The following PLG variants were observed in gnomAD, a reference collection of about 807,000 sequenced individuals.
PLG encodes plasminogen.
Under a neutral mutation model 104.4 loss-of-function variants are expected in PLG, and 41 were observed. That is an observed-to-expected ratio of 0.39 (90% CI 0.31 to 0.51). PLG has a LOEUF of 0.51. PLG is among the 20% of genes least tolerant of loss of function. The pLI is 0.76. For synonymous variants in PLG, 337 were observed against 357.1 expected (o/e 0.94, Z 0.63); for missense variants, 891 against 1,003.6 (o/e 0.89, Z 1.52).
rs1778167667 is a variant in PLG at position 160,740,272 on chromosome 6, G to C, written c.2019-1039G>C. 6.6e-6 allele frequency among the ~76,000 whole-genome samples: 1 copy of C among 152,172 alleles called. No individual in the cohort carries two copies. The highest frequency in any genetic ancestry group is 2.4e-5 in the African/African-American group (1 of 41,448). On this transcript the variant is annotated intron_variant, in intron 16 of 18. Transcript: ENST00000308192. This position sits in a 1 kb window ranked among gnomAD's most constrained non-coding sequence, Gnocchi z 5.2. ...CTTTCCAGCTCAGCCTTTATAAACA[G>C]TAGCTGATCTCCCTCCTGCTCCCCA...
At position 160,739,944 on chromosome 6, in the gene PLG, A is replaced by G. The variant is rs1321577215; in HGVS notation, c.2018+736A>G. Among the ~76,000 whole-genome samples, 1 of 152,180 alleles carries G rather than the reference A, an allele frequency of 6.6e-6. No individual in the cohort carries two copies. Among genetic ancestry groups the G allele is most frequent in the Admixed American group, 6.5e-5 (1 of 15,280 alleles). On this transcript the variant is annotated intron_variant, in intron 16 of 18. Transcript: ENST00000308192. This position sits in a 1 kb window ranked among gnomAD's most constrained non-coding sequence, Gnocchi z 4.4. ...GCCTGACAAAGTGAAACATTTGCTT[A>G]TGTCACTCATTTAGTGCTGTTTGGA...
intron 4 of PLG, chr6:160,711,712 A>G: frequency 6.2e-7 from 1 of 1,608,424 alleles, no homozygotes; most frequent in Non-Finnish European, 8.5e-7. Flanking sequence ...GCCTAGTTTA[A>G]AAAAAATCAA....
In PLG at chr6:160,731,361, G is replaced by T; in HGVS notation, c.1438+129G>T. 1.2e-6 allele frequency: 1 copy of T among 866,458 alleles called. No individual in the cohort carries two copies. The highest frequency in any genetic ancestry group is 1.9e-6 in the Non-Finnish European group (1 of 531,108). 53.7% of individuals were successfully genotyped at this position (866,458 alleles called of 1,614,324 possible). ...GTGTTTTTAGAGGGTCTGCCATGTGGAAGGAAGCCTCAGTGCACTCTCTCA... is the reference window on the plus strand; with the variant it reads ...GTGTTTTTAGAGGGTCTGCCATGTGTAAGGAAGCCTCAGTGCACTCTCTCA... On this transcript the variant is annotated intron_variant, in intron 11 of 18. Transcript: ENST00000308192. This position sits in a 1 kb window ranked among gnomAD's most constrained non-coding sequence, Gnocchi z 5.1.
chr6:160,738,497 G>T lies in PLG; in HGVS notation c.1803-41G>T, dbSNP rs1465195548. ...TTTCTGTACAATGGAGCAGAACAAA[G>T]TATCAATTTAACTAAAATTTGAACT... On this transcript the variant is annotated intron_variant, in intron 14 of 18. Transcript: ENST00000308192. The surrounding 1 kb of genome is among the most constrained non-coding windows in gnomAD (Gnocchi z 6.8). 3.4e-6 allele frequency: 4 copies of T among 1,182,208 alleles called. No individual in the cohort carries two copies. In the South Asian group the frequency reaches 4.8e-5, roughly 14 times the overall value. The allele number at this position is 1,182,208 out of a possible 1,614,324, so 73.2% of individuals were successfully genotyped here.
Position 160,723,176 on chromosome 6 carries a change from G to GTATA in PLG, c.1256+619_1256+622dup, listed in dbSNP as rs34935018. Among the ~76,000 whole-genome samples the GTATA allele has an allele frequency of 3.6e-5, 5 of 140,838 alleles. No homozygotes were observed. Among genetic ancestry groups the GTATA allele is most frequent in the African/African-American group, 1.2e-4 (4 of 33,040 alleles). The allele number at this position is 140,838 out of a possible 152,430, so 92.4% of individuals were successfully genotyped here. On this transcript the variant is annotated intron_variant, in intron 10 of 18. Transcript: ENST00000308192. This position sits in a 1 kb window ranked among gnomAD's most constrained non-coding sequence, Gnocchi z 4.7. ...ATTAGAATATATATAACATAAATAT[G>GTATA]TATATATATATATTCTGACCTGTAT...
At chr6:160,743,957 A>G (rs1778236810) in intron 17 of PLG, among the ~76,000 whole-genome samples, 1 of 152,228 alleles carries the variant, frequency 6.6e-6, no homozygotes, top group Admixed American at 6.5e-5. Flanking sequence ...GTGATGAATC[A>G]CATTTATTGA....
At chr6:160,710,984 G>A in intron 3 of PLG, 93 bp from the exon 4 acceptor site, 3 of 1,120,808 alleles carry the variant, frequency 2.7e-6, no homozygotes, top group Non-Finnish European at 4.1e-6. Context: ...GGGGTCTGGT[G>A]CATGAGATCT....
At position 160,722,427 on chromosome 6, in the gene PLG, T is replaced by C; in HGVS notation, c.1116T>C (p.Pro372=). 6.2e-7 allele frequency: 1 copy of C among 1,612,060 alleles called. No homozygotes were observed. The highest frequency in any genetic ancestry group is 1.1e-5 in the South Asian group (1 of 91,034). ...TTTCAGCACCACCTGAGCTAACCCC[T>C]GTGGTCCAGGACTGCTACCATGGTG... The part of the protein sequence containing the change: ...LAPTAPPELT[P]VVQDCYHGDG... Residue 372 remains proline, a synonymous_variant, in exon 10 of 19, where the codon CCT becomes CCC. Transcript: ENST00000308192.
chr6:160,711,518 A>G, intron 4 of PLG: 1 of 1,535,008 alleles, frequency 6.5e-7, no homozygotes, highest in South Asian at 1.2e-5. Context: ...ATGGATACAG[A>G]GGGCCAACTG....
At chr6:160,703,829 CAT>C (rs945158291) in intron 1 of PLG, among the ~76,000 whole-genome samples, 1 of 152,334 alleles carries the variant, frequency 6.6e-6, no homozygotes, top group African/African-American at 2.4e-5. Flanking sequence ...ACAGGATTAA[CAT>C]ATGTTTTAAC....
At chr6:160,708,932 C>T (rs573794196) in intron 3 of PLG, among the ~76,000 whole-genome samples, 124 of 150,470 alleles carry the variant, frequency 8.2e-4, no homozygotes, top group African/African-American at 2.0e-3. Flanking sequence ...AGCAAGCAAA[C>T]GGTAAACTAA....
intron 3 of PLG, 35 bp from the exon 4 acceptor site, chr6:160,711,042 G>A: frequency 6.2e-7 from 1 of 1,610,042 alleles, no homozygotes; most frequent in Non-Finnish European, 8.5e-7. Context: ...GGTGTCTTGT[G>A]AAAGACTTTG....
Position 160,737,064 on chromosome 6 carries a change from C to A in PLG, c.1802+57C>A. ...TCCCTCCACGTAAGCCCTGCAAAAC[C>A]CTTCTACATTTACATAAAATCCACA... On this transcript the variant is annotated intron_variant, in intron 14 of 18. Coordinates refer to ENST00000308192, the MANE Select transcript of PLG (RefSeq NM_000301.5). This position sits in a 1 kb window ranked among gnomAD's most constrained non-coding sequence, Gnocchi z 4.7. 1 of 1,606,282 alleles carries A rather than the reference C, an allele frequency of 6.2e-7. No homozygotes were observed. Among genetic ancestry groups the A allele is most frequent in the South Asian group, 1.1e-5 (1 of 90,488 alleles).
chr6:160,707,427 A>T (rs758161983), intron 2 of PLG, among the ~76,000 whole-genome samples: 1 of 152,156 alleles, frequency 6.6e-6, no homozygotes, highest in Non-Finnish European at 1.5e-5. Flanking sequence ...AATTAAGAAG[A>T]TGAGTGAAGA....
In PLG at chr6:160,752,519, G is replaced by C. The variant is rs1340348146; in HGVS notation, c.2271+259G>C. ...TACCTCAGGCCACTCACCCTCCTGG[G>C]GTGTGCTGGTGGCCAGGGACTAAAG... is the stretch of plus-strand genomic sequence containing the variant. On this transcript the variant is annotated intron_variant, in intron 18 of 18. Coordinates refer to ENST00000308192, the MANE Select transcript of PLG (RefSeq NM_000301.5). This position sits in a 1 kb window ranked among gnomAD's most constrained non-coding sequence, Gnocchi z 4.7. Among the ~76,000 whole-genome samples, 1 of 152,162 alleles carries C rather than the reference G, an allele frequency of 6.6e-6. No homozygotes were observed. Among genetic ancestry groups the C allele is most frequent in the Non-Finnish European group, 1.5e-5 (1 of 68,042 alleles).
rs939484154 is a variant in PLG at position 160,752,621 on chromosome 6, A to G, written c.2272-279A>G. ...CTGCACACACTTTACACTGATGCCC[A>G]GGCTAGCCCAGTCTAAAGGAAACAC... On this transcript the variant is annotated intron_variant, in intron 18 of 18. Coordinates refer to ENST00000308192, the MANE Select transcript of PLG (RefSeq NM_000301.5). This position sits in a 1 kb window ranked among gnomAD's most constrained non-coding sequence, Gnocchi z 4.7. Among the ~76,000 whole-genome samples, 2 of 152,178 alleles carry G rather than the reference A, an allele frequency of 1.3e-5. No individual in the cohort carries two copies. Among genetic ancestry groups the G allele is most frequent in the Admixed American group, 6.5e-5 (1 of 15,278 alleles).
At chr6:160,742,911 T>C (rs577256765) in intron 17 of PLG, among the ~76,000 whole-genome samples, 8 of 152,322 alleles carry the variant, frequency 5.3e-5, no homozygotes, top group Admixed American at 5.2e-4. Flanking sequence ...GGGAGTTATT[T>C]TCCCATTGCT....
rs1012419746 is a variant in PLG, at chr6:160,739,543, A to C, written c.2018+335A>C. Among the ~76,000 whole-genome samples the C allele has an allele frequency of 6.6e-6, 1 of 152,170 alleles. No homozygotes were observed. The highest frequency in any genetic ancestry group is 2.4e-5 in the African/African-American group (1 of 41,448). ...ATTCCAGGCTGACAATTCCCCCTTC[A>C]TCATAATATGTTTAAGAGAATCATA... On this transcript the variant is annotated intron_variant, in intron 16 of 18. Transcript: ENST00000308192. This position sits in a 1 kb window ranked among gnomAD's most constrained non-coding sequence, Gnocchi z 4.4.
In PLG at chr6:160,719,275, T is replaced by C. The variant is rs978252231; in HGVS notation, c.1096+437T>C. On this transcript the variant is annotated intron_variant, in intron 9 of 18. Transcript: ENST00000308192. This position sits in a 1 kb window ranked among gnomAD's most constrained non-coding sequence, Gnocchi z 4.1. The stretch of plus-strand genomic sequence containing the variant: ...TTGAAGCTCTTTTGTTAGGCACATA[T>C]GTATTTAGGATGGTTATGTCTTCTA... 8.5e-5 allele frequency among the ~76,000 whole-genome samples: 13 copies of C among 152,214 alleles called. No individual in the cohort carries two copies. The highest frequency in any genetic ancestry group is 2.7e-4 in the African/African-American group (11 of 41,460).
Sources: gnomAD v4.1 joint callset for allele counts (sites outside exome capture counted in the v4.1 genomes callset) on GRCh38, gnomAD v4.1.1 for gene constraint, Gnocchi (gnomAD v3.1) non-coding constraint, MANE v1.5 for transcripts, NCBI Gene and HGNC (gene_info 2026-07-23, HGNC 2026-07-21) for gene names.